The following NRXN1 variants were observed in gnomAD, a reference collection of about 807,000 sequenced individuals.
NRXN1 encodes neurexin 1.
NRXN1 carries 39 observed loss-of-function variants against 150.9 expected under a neutral mutation model. The ratio of observed to expected loss-of-function variants is 0.26; its 90% confidence interval spans 0.20 to 0.34. The LOEUF (loss-of-function observed/expected upper bound fraction) is 0.34, where lower values mean the gene tolerates loss of function less well. NRXN1 is among the 10% of genes least tolerant of loss of function. NRXN1 has a pLI of 1.00. For synonymous variants in NRXN1, 924 were observed against 757.0 expected (o/e 1.22, Z -3.62); for missense variants, 1,815 against 1,949.9 (o/e 0.93, Z 1.30).
chr2:50,078,191 A>G (rs923753586), intron 19 of NRXN1, among the ~76,000 whole-genome samples: 3 of 152,100 alleles, frequency 2.0e-5, no homozygotes, highest in Non-Finnish European at 4.4e-5. Flanking sequence ...TTAGGTTGCT[A>G]TTCTTCTGGA....
At chr2:50,510,815 G>GT (rs2092425677) in intron 12 of NRXN1, among the ~76,000 whole-genome samples, 1 of 152,148 alleles carries the variant, frequency 6.6e-6, no homozygotes, top group Non-Finnish European at 1.5e-5. Flanking sequence ...TGCAAGTAGT[G>GT]TAAGAGGTAC....
intron 17 of NRXN1, among the ~76,000 whole-genome samples, chr2:50,348,367 G>T (rs1413170330): frequency 1.3e-5 from 2 of 152,156 alleles, no homozygotes; most frequent in Admixed American, 1.3e-4. Context: ...GAGAGGAAGA[G>T]AAGGGTCAGG....
At chr2:50,996,269 G>A (rs1303205452) in intron 2 of NRXN1, among the ~76,000 whole-genome samples, 1 of 152,058 alleles carries the variant, frequency 6.6e-6, no homozygotes, top group Non-Finnish European at 1.5e-5. Flanking sequence ...TACGTATCAT[G>A]CTTAAAGTAT....
At chr2:50,578,947 A>C (rs1023364534) in intron 8 of NRXN1, among the ~76,000 whole-genome samples, 1 of 152,142 alleles carries the variant, frequency 6.6e-6, no homozygotes, top group Non-Finnish European at 1.5e-5. Context: ...CTGGGGTTAG[A>C]CTTCAATTAG....
At chr2:50,505,206 A>G (rs1183808188) in intron 13 of NRXN1, among the ~76,000 whole-genome samples, 1 of 152,172 alleles carries the variant, frequency 6.6e-6, no homozygotes, top group African/African-American at 2.4e-5. Flanking sequence ...ACGGTAAGTC[A>G]AAAACCAACA....
intron 12 of NRXN1, among the ~76,000 whole-genome samples, chr2:50,511,466 T>G (rs988606713): frequency 2.6e-5 from 4 of 152,230 alleles, no homozygotes; most frequent in African/African-American, 9.6e-5. Context: ...TGTCAGTGCT[T>G]GTCAACAGAG....
At chr2:50,352,717 C>T (rs1309619780) in intron 17 of NRXN1, among the ~76,000 whole-genome samples, 1 of 146,840 alleles carries the variant, frequency 6.8e-6, no homozygotes, top group Non-Finnish European at 1.5e-5. Context: ...TTGCAGGTCC[C>T]TAAGAGTAAG....
At chr2:51,006,372 A>C (rs1380455954) in intron 2 of NRXN1, among the ~76,000 whole-genome samples, 2 of 150,136 alleles carry the variant, frequency 1.3e-5, no homozygotes, top group African/African-American at 4.9e-5. Flanking sequence ...AGGAAGGGGA[A>C]CATCACATAC....
chr2:50,108,658 T>A (rs990438237), intron 18 of NRXN1, among the ~76,000 whole-genome samples: 59 of 152,258 alleles, frequency 3.9e-4, no homozygotes, highest in Non-Finnish European at 4.9e-4. Context: ...GAGATATTTT[T>A]AAAAATCACT....
intron 5 of NRXN1, among the ~76,000 whole-genome samples, chr2:50,700,715 GA>G (rs1189261234): frequency 2.2e-5 from 1 of 46,410 alleles, no homozygotes; most frequent in African/African-American, 2.7e-4. Flanking sequence ...CATATTTATT[GA>G]TTTGCTCATT....
intron 5 of NRXN1, among the ~76,000 whole-genome samples, chr2:50,676,672 T>C (rs916238794): frequency 1.3e-5 from 2 of 152,156 alleles, no homozygotes; most frequent in African/African-American, 4.8e-5. Flanking sequence ...GTAATTGGTA[T>C]TATTATTATA....
chr2:49,929,244 A>G (rs893280119), intron 22 of NRXN1, among the ~76,000 whole-genome samples: 6 of 152,202 alleles, frequency 3.9e-5, no homozygotes, highest in African/African-American at 1.4e-4. Context: ...AACAGAAGAG[A>G]CAATGGATGT....
chr2:50,670,061 T>A (rs1371490830), intron 5 of NRXN1, among the ~76,000 whole-genome samples: 1 of 151,814 alleles, frequency 6.6e-6, no homozygotes, highest in Non-Finnish European at 1.5e-5. Context: ...GTCCATATTG[T>A]CACACTGTAT....
At chr2:50,853,175 T>C (rs548120976) in intron 5 of NRXN1, among the ~76,000 whole-genome samples, 7 of 152,170 alleles carry the variant, frequency 4.6e-5, no homozygotes, top group African/African-American at 1.4e-4. Flanking sequence ...TCTGTATATA[T>C]TGACTACTTG....
At chr2:50,203,394 T>G (rs1232504526) in intron 18 of NRXN1, among the ~76,000 whole-genome samples, 1 of 152,188 alleles carries the variant, frequency 6.6e-6, no homozygotes, top group Non-Finnish European at 1.5e-5. Context: ...CTGTTATTGC[T>G]GAACCTTATT....
chr2:50,886,338 C>G (rs1163644216), intron 5 of NRXN1, among the ~76,000 whole-genome samples: 1 of 151,290 alleles, frequency 6.6e-6, no homozygotes, highest in East Asian at 1.9e-4. Flanking sequence ...ATTGTTCTTT[C>G]TGGAATGCAA....
At chr2:51,030,964 C>T (rs1161577349) in intron 1 of NRXN1, among the ~76,000 whole-genome samples, 1 of 151,280 alleles carries the variant, frequency 6.6e-6, no homozygotes, top group Non-Finnish European at 1.5e-5. Context: ...CCTTTTTTCT[C>T]CCGTCCCTCC....
intron 5 of NRXN1, among the ~76,000 whole-genome samples, chr2:50,759,736 A>G (rs1255430856): frequency 6.6e-6 from 1 of 151,840 alleles, no homozygotes; most frequent in Non-Finnish European, 1.5e-5. Context: ...TTTTATGGAT[A>G]GCAGTGGTGA....
At chr2:50,498,907 T>C (rs1176986588) in intron 13 of NRXN1, among the ~76,000 whole-genome samples, 1 of 152,166 alleles carries the variant, frequency 6.6e-6, no homozygotes, top group Non-Finnish European at 1.5e-5. Flanking sequence ...TGTTTCAAGT[T>C]ACCTCTTTCC....
Sources: gnomAD v4.1 joint callset for allele counts (sites outside exome capture counted in the v4.1 genomes callset) on GRCh38, gnomAD v4.1.1 for gene constraint, MANE v1.5 for transcripts, NCBI Gene and HGNC (gene_info 2026-07-23, HGNC 2026-07-21) for gene names.